The following PLEKHA6 variants were observed in gnomAD, a reference collection of about 807,000 sequenced individuals.
PLEKHA6 encodes pleckstrin homology domain containing A6, also known as pleckstrin homology domain-containing family A member 6.
In PLEKHA6, 60 loss-of-function variants were observed where a neutral mutation model predicts 116.7. That is an observed-to-expected ratio of 0.51 (90% CI 0.42 to 0.64). PLEKHA6 has a LOEUF of 0.64. Ranked by LOEUF, PLEKHA6 falls within the 30% of genes least tolerant of loss-of-function variation. The pLI, the probability that PLEKHA6 is intolerant of heterozygous loss-of-function variation, is 0.00. For missense variants in PLEKHA6, 1,338 were observed against 1,422.7 expected, an observed-to-expected ratio of 0.94 and a Z score of 0.96; for synonymous variants, 489 against 556.1, an observed-to-expected ratio of 0.88 and a Z score of 1.70.
chr1:204,360,208 C>G (rs1673528062), upstream of PLEKHA6, among the ~76,000 whole-genome samples: 2 of 151,952 alleles, frequency 1.3e-5, no homozygotes, highest in Admixed American at 1.3e-4. Flanking sequence ...TTTAGAGTCC[C>G]CCACAAGAGA....
intron 1 of PLEKHA6, among the ~76,000 whole-genome samples, chr1:204,358,061 A>T (rs537299848): frequency 1.3e-5 from 2 of 152,356 alleles, no homozygotes; most frequent in African/African-American, 4.8e-5. Context: ...CCAGCAAAAA[A>T]AAAGCAGGTG....
intron 1 of PLEKHA6, among the ~76,000 whole-genome samples, chr1:204,375,343 T>C (rs113197361): frequency 0.01 from 1,556 of 152,130 alleles, 29 homozygotes; most frequent in African/African-American, 0.036. Flanking sequence ...CTCCCCCTAA[T>C]ATGCACTCCC....
chr1:204,361,684 A>G (rs1016407227), upstream of PLEKHA6, among the ~76,000 whole-genome samples: 1 of 152,256 alleles, frequency 6.6e-6, no homozygotes, highest in African/African-American at 2.4e-5. Flanking sequence ...ATGAGGGCCC[A>G]GTGCCAGGCA....
At chr1:204,372,929 T>C (rs1572239082) in intron 1 of PLEKHA6, among the ~76,000 whole-genome samples, 1 of 119,796 alleles carries the variant, frequency 8.3e-6, no homozygotes, top group South Asian at 2.7e-4. Context: ...TTTTTTTTTT[T>C]GACGGTCTCA....
intron 1 of PLEKHA6, among the ~76,000 whole-genome samples, chr1:204,283,305 G>A (rs1668833578): frequency 6.6e-6 from 1 of 152,016 alleles, no homozygotes; most frequent in Non-Finnish European, 1.5e-5. Context: ...TCCCAATCCA[G>A]CAATTTGAGA....
chr1:204,290,225 T>C (rs4951060), intron 1 of PLEKHA6, among the ~76,000 whole-genome samples: 130,348 of 152,180 alleles, frequency 0.86, 58,083 homozygotes, highest in Non-Finnish European at 0.97. Context: ...TCCAGAATAC[T>C]CAAAAGCTTT....
intron 2 of PLEKHA6, chr1:204,369,792 T>C (rs893795012): frequency 2.6e-5 from 4 of 152,090 alleles, no homozygotes; most frequent in African/African-American, 9.7e-5. Flanking sequence ...GATAATGAGG[T>C]GGAAGGACTC....
Position 204,241,433 on chromosome 1 carries a change from G to A in PLEKHA6, c.2351C>T (p.Thr784Ile). ...RTKSPTDDEVTPSAVVRRNAS... is the reference protein window; with the variant it reads ...RTKSPTDDEVIPSAVVRRNAS... ...ATTCCTTCTTACCACTGCTGATGGG[G>A]TCACCTCATCATCAGTGGGCGATTT... Residue 784 changes from threonine to isoleucine, a missense_variant, in exon 17 of 23, where the codon ACC becomes ATC. Coordinates refer to ENST00000272203, the MANE Select transcript of PLEKHA6 (RefSeq NM_014935.5). 2 of 1,611,368 alleles carry A rather than the reference G, an allele frequency of 1.2e-6. No homozygotes were observed. Among genetic ancestry groups the A allele is most frequent in the Non-Finnish European group, 1.7e-6 (2 of 1,179,038 alleles).
rs745448161 is a variant in PLEKHA6, at chr1:204,241,485, CAGAA to C, written c.2303-8_2303-5del. The C allele has an allele frequency of 6.3e-7, 1 of 1,584,462 alleles. No individual in the cohort carries two copies. Among genetic ancestry groups the C allele is most frequent in the Non-Finnish European group, 8.6e-7 (1 of 1,163,618 alleles). Reference sequence around the variant, plus strand: ...GTCCGAGGGGGCACAACGCCAACTGCAGAAAGACAGAGTAGCCAGTGGGCCTCAT... The same window carrying C: ...GTCCGAGGGGGCACAACGCCAACTGCAGACAGAGTAGCCAGTGGGCCTCAT... On this transcript the variant is annotated splice_polypyrimidine_tract_variant and splice_region_variant and intron_variant, in intron 16 of 22. Coordinates refer to ENST00000272203, the MANE Select transcript of PLEKHA6 (RefSeq NM_014935.5).
At chr1:204,231,636 T>C (rs570056327) in intron 17 of PLEKHA6, among the ~76,000 whole-genome samples, 36 of 150,304 alleles carry the variant, frequency 2.4e-4, no homozygotes, top group Non-Finnish European at 4.1e-4. Flanking sequence ...GGTGCAATCA[T>C]AGCTCACCAC....
At position 204,244,954 on chromosome 1, in the gene PLEKHA6, G is replaced by T; in HGVS notation, c.2082C>A (p.Pro694=). Residue 694 remains proline (P), a synonymous_variant, in exon 15 of 23, where the codon CCC becomes CCA. Coordinates refer to ENST00000272203, the MANE Select transcript of PLEKHA6 (RefSeq NM_014935.5). ...GGCTGGTGAGGCTGGCAGAGCTGAG[G>T]GGGCTGGCCGGGCTGTTGGAGCTGT... The part of the protein sequence containing the change: ...ATYSSNSPAS[P]LSSASLTSPL... 1.4e-6 allele frequency: 2 copies of T among 1,475,108 alleles called. No individual in the cohort carries two copies. Among genetic ancestry groups the T allele is most frequent in the Non-Finnish European group, 1.8e-6 (2 of 1,110,570 alleles). The allele number at this position is 1,475,108 out of a possible 1,614,324, so 91.4% of individuals were successfully genotyped here.
At chr1:204,375,453 A>T (rs73061831) in intron 1 of PLEKHA6, among the ~76,000 whole-genome samples, 11,640 of 152,136 alleles carry the variant, frequency 0.077, 684 homozygotes, top group African/African-American at 0.17. Context: ...AAGCATTAGA[A>T]GAATATTCCT....
chr1:204,259,814 G>A lies in PLEKHA6; in HGVS notation c.525-74C>T, dbSNP rs1665881015. On this transcript the variant is annotated intron_variant, in intron 7 of 22. Transcript: ENST00000272203. This position sits in a 1 kb window ranked among gnomAD's most constrained non-coding sequence, Gnocchi z 4.6. ...AGTGGGGCAGGGGGTGCCAGACTGG[G>A]AAGAAGAGGAGTGGGGAAGGATGGG... 2.0e-6 allele frequency: 3 copies of A among 1,479,084 alleles called. No homozygotes were observed. Among genetic ancestry groups the A allele is most frequent in the Non-Finnish European group, 2.7e-6 (3 of 1,105,702 alleles). The allele number at this position is 1,479,084 out of a possible 1,614,324, so 91.6% of individuals were successfully genotyped here.
intron 1 of PLEKHA6, among the ~76,000 whole-genome samples, chr1:204,328,752 TAGATACTAGATTGCTATGAGTAGATG>T: frequency 6.6e-6 from 1 of 152,346 alleles, no homozygotes; most frequent in East Asian, 1.9e-4. Context: ...GTCTTGCAGC[TAGATACTAGATTGCTATGAGTAGATG>T]ATTTCAAAAT....
chr1:204,374,079 C>T (rs1414246300), intron 1 of PLEKHA6, among the ~76,000 whole-genome samples: 18 of 152,274 alleles, frequency 1.2e-4, no homozygotes, highest in Non-Finnish European at 4.4e-5. Context: ...CACTGGATAT[C>T]ACAGACAACC....
intron 1 of PLEKHA6, among the ~76,000 whole-genome samples, chr1:204,346,381 C>T (rs1002336972): frequency 3.4e-5 from 5 of 149,018 alleles, no homozygotes; most frequent in African/African-American, 1.2e-4. Context: ...CATCTACCAC[C>T]TGCCTCTTCC....
chr1:204,234,785 A>G (rs1661703952), intron 17 of PLEKHA6, among the ~76,000 whole-genome samples: 1 of 151,504 alleles, frequency 6.6e-6, no homozygotes, highest in South Asian at 2.1e-4. Context: ...AGACTGACCT[A>G]GCCACCCAGC....
chr1:204,229,717 C>T (rs759206695), intron 18 of PLEKHA6, among the ~76,000 whole-genome samples: 1 of 152,218 alleles, frequency 6.6e-6, no homozygotes, highest in Non-Finnish European at 1.5e-5. Context: ...CCACACCCGG[C>T]TAACTTCCAG....
chr1:204,376,682 A>G (rs1673876250), intron 1 of PLEKHA6, among the ~76,000 whole-genome samples: 2 of 152,212 alleles, frequency 1.3e-5, no homozygotes, highest in Admixed American at 1.3e-4. Context: ...TTTCTCTTAG[A>G]CCGGTACTTC....
Sources: gnomAD v4.1 joint callset for allele counts (sites outside exome capture counted in the v4.1 genomes callset) on GRCh38, gnomAD v4.1.1 for gene constraint, Gnocchi (gnomAD v3.1) non-coding constraint, MANE v1.5 for transcripts, NCBI Gene and HGNC (gene_info 2026-07-23, HGNC 2026-07-21) for gene names.